The following POGLUT2 variants were observed in gnomAD, a reference collection of about 807,000 sequenced individuals.
The protein encoded by POGLUT2 is ER protein 58.
A neutral mutation model predicts 57.6 loss-of-function variants in POGLUT2; 47 were observed. That is an observed-to-expected ratio of 0.82 (90% CI 0.65 to 1.04). The LOEUF is 1.04. Among genes scored for constraint, POGLUT2 ranks in the 50% least tolerant of loss-of-function variants. The probability of loss-of-function intolerance (pLI) is 0.00; values close to 1 mark genes in which losing one functional copy is unlikely to be tolerated. For missense variants in POGLUT2, 565 were observed against 614.8 expected, an observed-to-expected ratio of 0.92 and a Z score of 0.86; for synonymous variants, 200 against 218.8, an observed-to-expected ratio of 0.91 and a Z score of 0.76.
chr13:102,786,421 T>A (rs559721353), intron 8 of POGLUT2, 82 bp from the exon 9 acceptor site: 1 of 891,608 alleles, frequency 1.1e-6, no homozygotes, highest in South Asian at 1.4e-5. Flanking sequence ...ATATGAAGAC[T>A]ATGATTCATT....
At chr13:102,796,309 AAAATAAAT>A (rs869279337) in intron 2 of POGLUT2, among the ~76,000 whole-genome samples, 95 of 125,868 alleles carry the variant, frequency 7.5e-4, no homozygotes, top group South Asian at 1.5e-3. Flanking sequence ...AAAAAAAAAA[AAAATAAAT>A]AAATAAATAA....
At chr13:102,798,247 CT>C (rs1016059368) in intron 1 of POGLUT2, among the ~76,000 whole-genome samples, 3 of 152,086 alleles carry the variant, frequency 2.0e-5, no homozygotes, top group African/African-American at 7.2e-5. Flanking sequence ...TTGTCTTGCC[CT>C]GATAATGTGG....
Position 102,795,549 on chromosome 13 carries a change from C to T in POGLUT2, c.388+1255G>A, listed in dbSNP as rs181295258. On this transcript the variant is annotated intron_variant, in intron 2 of 9. Transcript: ENST00000376004. ...CTGCACTCCAGCCTGGGCAACAGAGCGAGACCCTGTCTCAACAACAACGGC... is the reference window on the plus strand; with the variant it reads ...CTGCACTCCAGCCTGGGCAACAGAGTGAGACCCTGTCTCAACAACAACGGC... Among the ~76,000 whole-genome samples the T allele has an allele frequency of 3.2e-4, 48 of 152,240 alleles. 1 individual carries two copies. The East Asian group carries it at 8.5e-3, about 27-fold the overall frequency.
intron 4 of POGLUT2, chr13:102,791,962 A>G: frequency 7.8e-7 from 1 of 1,279,146 alleles, no homozygotes; most frequent in South Asian, 1.2e-5. Flanking sequence ...AAAACAACAG[A>G]TATACATTTT....
intron 2 of POGLUT2, 48 bp downstream of exon 2, chr13:102,796,756 T>A: frequency 3.3e-6 from 3 of 901,098 alleles, no homozygotes; most frequent in Non-Finnish European, 5.3e-6. Flanking sequence ...GAATAACATA[T>A]ATTATTTTAT....
intron 2 of POGLUT2, among the ~76,000 whole-genome samples, chr13:102,795,378 C>T (rs1878337549): frequency 6.6e-6 from 1 of 151,138 alleles, no homozygotes; most frequent in South Asian, 2.1e-4. Flanking sequence ...GTCTGAGCAA[C>T]ATGGCAAAAC....
In POGLUT2 at chr13:102,789,075, T is replaced by C. The variant is rs754837997; in HGVS notation, c.1230A>G (p.Pro410=). 5.0e-6 allele frequency: 8 copies of C among 1,614,088 alleles called. No individual in the cohort carries two copies. The Admixed American group carries it at 6.7e-5, about 13-fold the overall frequency. Reference sequence around the variant, plus strand: ...GCAGATCGCTCAGGTTGCTCTTAACTGGAATGTAGTGTTTCCAGGGCTGCA... The same window carrying C: ...GCAGATCGCTCAGGTTGCTCTTAACCGGAATGTAGTGTTTCCAGGGCTGCA... The part of the protein sequence containing the change: ...NELQPWKHYI[P]VKSNLSDLLE... The change falls in exon 7 of 10, where the codon CCA becomes CCG. Residue 410 remains proline (P), a synonymous_variant. Transcript: ENST00000376004.
Position 102,785,607 on chromosome 13 carries a change from G to A in POGLUT2, c.1491+625C>T, listed in dbSNP as rs190064237. On this transcript the variant is annotated intron_variant, in intron 9 of 9. Coordinates refer to ENST00000376004, the MANE Select transcript of POGLUT2 (RefSeq NM_024089.3). ...ACACACAATCACAATCTGATGATGA[G>A]AGATTGGTTTTTGCTTTGCTATAAT... Among the ~76,000 whole-genome samples the A allele has an allele frequency of 5.4e-4, 82 of 152,244 alleles. 2 individuals carry two copies. Among genetic ancestry groups the A allele is most frequent in the Admixed American group, 5.4e-3 (82 of 15,296 alleles).
chr13:102,787,737 A>G (rs578200131), intron 8 of POGLUT2, 97 bp downstream of exon 8: 123 of 582,078 alleles, frequency 2.1e-4, no homozygotes, highest in Non-Finnish European at 3.4e-4. Flanking sequence ...ATATCTCCCT[A>G]TAGTAACATA....
At chr13:102,787,235 C>T (rs892387779) in intron 8 of POGLUT2, among the ~76,000 whole-genome samples, 8 of 152,028 alleles carry the variant, frequency 5.3e-5, no homozygotes, top group South Asian at 2.1e-4. Context: ...TTAGTAGAGA[C>T]GGGGTTTCAC....
rs1227345939 is a variant in POGLUT2 at position 102,796,695 on chromosome 13, A to T, written c.388+109T>A. ...TTTCTTCTTTCAGTAAAAAAAAAAA[A>T]AAAAATATATATATATATATATATA... On this transcript the variant is annotated intron_variant, in intron 2 of 9. Coordinates refer to ENST00000376004, the MANE Select transcript of POGLUT2 (RefSeq NM_024089.3). The T allele has an allele frequency of 3.7e-3, 542 of 148,122 alleles. 1 individual carries two copies. Among genetic ancestry groups the T allele is most frequent in the African/African-American group, 0.011 (293 of 27,676 alleles). The allele number at this position is 148,122 out of a possible 1,614,324, so 9.2% of individuals were successfully genotyped here. A position where few individuals can be genotyped will look rare whatever the true frequency, so the allele number is the denominator to read the frequency against.
chr13:102,786,082 T>A (rs1411683878), intron 9 of POGLUT2, 150 bp downstream of exon 9: 1 of 615,480 alleles, frequency 1.6e-6, no homozygotes, highest in Non-Finnish European at 2.9e-6. Flanking sequence ...CTATCTTTTA[T>A]ACCTATCTCT....
At chr13:102,793,464 C>T (rs1002908290) in intron 3 of POGLUT2, 46 bp from the exon 4 acceptor site, 1 of 1,359,122 alleles carries the variant, frequency 7.4e-7, no homozygotes, top group South Asian at 1.2e-5. Flanking sequence ...AAGACGCTGG[C>T]AGACTTCACT....
In POGLUT2 at chr13:102,798,708, G is replaced by T; in HGVS notation, c.-38C>A. 1 of 1,550,432 alleles carries T rather than the reference G, an allele frequency of 6.4e-7. No homozygotes were observed. The highest frequency in any genetic ancestry group is 2.3e-5 in the East Asian group (1 of 43,092). ...CTCTCGAAATGATCCACCGATAAATGAAGAAGTGTAAGAGGTGGACAGAAG... is the reference window on the plus strand; with the variant it reads ...CTCTCGAAATGATCCACCGATAAATTAAGAAGTGTAAGAGGTGGACAGAAG... On this transcript the variant is annotated 5_prime_UTR_variant, in exon 1 of 10. Coordinates refer to ENST00000376004, the MANE Select transcript of POGLUT2 (RefSeq NM_024089.3).
At chr13:102,784,975 A>G (rs191543826) in intron 9 of POGLUT2, among the ~76,000 whole-genome samples, 217 of 152,278 alleles carry the variant, frequency 1.4e-3, no homozygotes, top group African/African-American at 5.0e-3. Context: ...CAAATCACGG[A>G]TTGGTGAGGG....
intron 1 of POGLUT2, among the ~76,000 whole-genome samples, chr13:102,798,156 C>CT (rs1878509785): frequency 6.6e-6 from 1 of 152,196 alleles, no homozygotes; most frequent in South Asian, 2.1e-4. Flanking sequence ...CATCAAGTCT[C>CT]TAACAACTAG....
At chr13:102,784,875 A>G (rs1195343946) in intron 9 of POGLUT2, among the ~76,000 whole-genome samples, 1 of 152,194 alleles carries the variant, frequency 6.6e-6, no homozygotes, top group African/African-American at 2.4e-5. Context: ...CCTCCTCTCA[A>G]TCACGTAGAT....
chr13:102,791,541 T>C, intron 4 of POGLUT2, 111 bp from the exon 5 acceptor site: 1 of 1,009,628 alleles, frequency 9.9e-7, no homozygotes, highest in Non-Finnish European at 1.5e-6. Context: ...GTTACATGTT[T>C]CAGGTAATAA....
At chr13:102,787,562 CT>C in intron 8 of POGLUT2, among the ~76,000 whole-genome samples, 1 of 152,306 alleles carries the variant, frequency 6.6e-6, no homozygotes, top group South Asian at 2.1e-4. Flanking sequence ...TGCACTGTAA[CT>C]TTGTAGGATC....
Sources: allele counts gnomAD v4.1 joint callset (sites outside exome capture counted in the v4.1 genomes callset), GRCh38; gene constraint gnomAD v4.1.1; transcripts MANE v1.5; gene names NCBI Gene and HGNC (gene_info 2026-07-23, HGNC 2026-07-21).